SNED1: variants seen among roughly 807,000 people sequenced by gnomAD.
The protein encoded by SNED1 is sushi, nidogen and EGF-like domain-containing protein 1.
Under a neutral mutation model 166.7 loss-of-function variants are expected in SNED1, and 81 were observed. That is an observed-to-expected ratio of 0.49 (90% CI 0.41 to 0.58). The LOEUF (loss-of-function observed/expected upper bound fraction) is 0.58. Among genes scored for constraint, SNED1 ranks in the 20% least tolerant of loss-of-function variants. The probability of loss-of-function intolerance (pLI) is 0.00; values close to 1 mark genes in which losing one functional copy is unlikely to be tolerated. For synonymous variants in SNED1, 762 were observed against 822.0 expected (o/e 0.93, Z 1.25); for missense variants, 1,604 against 2,000.2 (o/e 0.80, Z 3.78).
intron 16 of SNED1, 80 bp downstream of exon 16, chr2:241,053,406 T>A (rs1212732550): frequency 7.1e-7 from 1 of 1,411,538 alleles, no homozygotes; most frequent in Non-Finnish European, 9.5e-7. Flanking sequence ...GCACAGGGGC[T>A]GCAGGCCCAA....
chr2:241,074,212 CAT>C (rs374613715), intron 27 of SNED1: 57 of 152,302 alleles, frequency 3.7e-4, no homozygotes, highest in African/African-American at 1.3e-3. Flanking sequence ...TTCTCAAGGA[CAT>C]GTGTACACAT....
At position 241,048,377 on chromosome 2, in the gene SNED1, G is replaced by C. The variant is rs781685199; in HGVS notation, c.1336G>C (p.Asp446His). ...APCHNGGTCV[D>H]ADQGYVCECP... ...TTGCCACAATGGGGGCACCTGTGTG[G>C]ATGCGGACCAGGGCTACGTGTGCGA... Residue 446 changes from aspartate to histidine, a missense_variant, in exon 9 of 32, where the codon GAT becomes CAT. By Grantham distance (81) the Asp-to-His change is moderately conservative. This residue lies in a region of SNED1 where 1,237 missense variants were observed against 1,620.8 expected (regional missense o/e 0.76). Coordinates refer to ENST00000310397, the MANE Select transcript of SNED1 (RefSeq NM_001080437.3). 2 of 1,612,092 alleles carry C rather than the reference G, an allele frequency of 1.2e-6. No individual in the cohort carries two copies. Among genetic ancestry groups the C allele is most frequent in the Non-Finnish European group, 1.7e-6 (2 of 1,179,226 alleles).
rs544250869 is a variant in SNED1, at chr2:241,057,781, C to T, written c.2257+4455C>T. ...GACCATAAAAAAATATATTCTCATA[C>T]AAACACAGCTTCAGAGGCTTAGCAA... On this transcript the variant is annotated intron_variant, in intron 16 of 31. Transcript: ENST00000310397. Among the ~76,000 whole-genome samples, 63 of 152,058 alleles carry T rather than the reference C, an allele frequency of 4.1e-4. 4 individuals carry two copies. The highest frequency in any genetic ancestry group is 1.5e-5 in the Non-Finnish European group (1 of 68,018).
intron 31 of SNED1, chr2:241,090,246 A>T: frequency 6.7e-7 from 1 of 1,498,750 alleles, no homozygotes; most frequent in Non-Finnish European, 8.9e-7. Flanking sequence ...TTAAAAACTA[A>T]GACACAAACA....
At chr2:241,017,466 G>A (rs755743685) in intron 1 of SNED1, among the ~76,000 whole-genome samples, 18 of 152,244 alleles carry the variant, frequency 1.2e-4, no homozygotes, top group Non-Finnish European at 2.6e-4. Context: ...CCCCCAAGGC[G>A]ACGGTTCATC....
At chr2:241,046,862 G>A (rs2061661220) in intron 8 of SNED1, among the ~76,000 whole-genome samples, 1 of 152,092 alleles carries the variant, frequency 6.6e-6, no homozygotes, top group Non-Finnish European at 1.5e-5. Flanking sequence ...AAACCAAAAA[G>A]TAGCTGGCGT....
chr2:241,063,923 C>T, intron 18 of SNED1, 89 bp from the exon 19 acceptor site: 9 of 1,037,088 alleles, frequency 8.7e-6, no homozygotes, highest in Non-Finnish European at 1.3e-5. Flanking sequence ...CGCCCCTAGA[C>T]TCCTCCTTTC....
chr2:241,030,476 C>T lies in SNED1; in HGVS notation c.406C>T (p.His136Tyr), dbSNP rs2061132927. The change falls in exon 2 of 32, where the codon CAC (histidine) becomes TAC (tyrosine). Residue 136 changes from histidine to tyrosine, a missense_variant. His to Tyr is a moderately conservative substitution (Grantham distance 83). Around this residue, in one of 2 missense-constraint regions of SNED1, gnomAD observed 1,237 missense variants for 1,620.8 expected, o/e 0.76. Transcript: ENST00000310397. ...GCGCCGAGCCACGGAGGACGTCAGG[C>T]ACTACTTCCCCGAGCTCCTGGACTT... Reference protein sequence around the residue: ...MLRRATEDVRHYFPELLDFNA... With the variant: ...MLRRATEDVRYYFPELLDFNA... 7.4e-6 allele frequency: 12 copies of T among 1,613,958 alleles called. No homozygotes were observed. Among genetic ancestry groups the T allele is most frequent in the Non-Finnish European group, 5.9e-6 (7 of 1,179,892 alleles).
chr2:241,028,583 A>C (rs2061058051), intron 1 of SNED1, among the ~76,000 whole-genome samples: 1 of 152,228 alleles, frequency 6.6e-6, no homozygotes, highest in African/African-American at 2.4e-5. Flanking sequence ...ACCCTTGTGA[A>C]AATCGTTTGA....
intron 1 of SNED1, among the ~76,000 whole-genome samples, chr2:241,017,047 C>T (rs2060620283): frequency 6.6e-6 from 1 of 152,016 alleles, no homozygotes; most frequent in Non-Finnish European, 1.5e-5. Context: ...GACGGGGTTT[C>T]TCCATGTTGG....
At chr2:241,046,577 A>T (rs1161236602) in intron 8 of SNED1, among the ~76,000 whole-genome samples, 1 of 152,234 alleles carries the variant, frequency 6.6e-6, no homozygotes, top group Non-Finnish European at 1.5e-5. Flanking sequence ...TGGTTCCACT[A>T]AATGGCATTC....
At chr2:241,034,493 TG>T in intron 3 of SNED1, 74 bp from the exon 4 acceptor site, 1 of 1,358,974 alleles carries the variant, frequency 7.4e-7, no homozygotes, top group Non-Finnish European at 1.0e-6. Context: ...AGGAACATGG[TG>T]GGGGCAGGGT....
rs545695053 is a variant in SNED1, at chr2:241,028,300, C to T, written c.214-1984C>T. Among the ~76,000 whole-genome samples the T allele has an allele frequency of 5.3e-5, 8 of 152,100 alleles. No homozygotes were observed. The East Asian group carries it at 5.8e-4, about 11-fold the overall frequency. ...GAAAATTTTTAATTTTCATGAAGTC[C>T]GATTTGTCTGTTTTTTCTTTTGTTG... On this transcript the variant is annotated intron_variant, in intron 1 of 31. Transcript: ENST00000310397.
intron 26 of SNED1, 40 bp downstream of exon 26, chr2:241,071,918 C>G (rs911237042): frequency 4.0e-6 from 6 of 1,481,728 alleles, no homozygotes; most frequent in African/African-American, 1.4e-5. Flanking sequence ...GGTGGCCCAC[C>G]CTCGTCCTCA....
At chr2:241,067,388 T>C (rs920215882) in intron 21 of SNED1, among the ~76,000 whole-genome samples, 3 of 152,208 alleles carry the variant, frequency 2.0e-5, no homozygotes, top group African/African-American at 7.2e-5. Flanking sequence ...ATGTGTGCTC[T>C]TAGACCAAAA....
At chr2:241,047,322 T>C (rs2061680558) in intron 8 of SNED1, among the ~76,000 whole-genome samples, 1 of 152,176 alleles carries the variant, frequency 6.6e-6, no homozygotes, top group South Asian at 2.1e-4. Flanking sequence ...ACTCTAGATA[T>C]ACTTGTACCT....
Position 241,067,761 on chromosome 2 carries a change from T to A in SNED1, c.3011-3T>A. On this transcript the variant is annotated splice_polypyrimidine_tract_variant and splice_region_variant and intron_variant, in intron 21 of 31. Coordinates refer to ENST00000310397, the MANE Select transcript of SNED1 (RefSeq NM_001080437.3). ...CACCTGCTGAACAGTCCATTCCCCC[T>A]AGGACCCCGCCCTGTGGAAGGCTTC... is the stretch of plus-strand genomic sequence containing the variant. 6.2e-7 allele frequency: 1 copy of A among 1,602,328 alleles called. No individual in the cohort carries two copies. Among genetic ancestry groups the A allele is most frequent in the Non-Finnish European group, 8.5e-7 (1 of 1,171,054 alleles).
chr2:241,077,324 A>G (rs2063074670), intron 27 of SNED1, among the ~76,000 whole-genome samples: 1 of 152,228 alleles, frequency 6.6e-6, no homozygotes, highest in Admixed American at 6.5e-5. Flanking sequence ...AACTCTTAGA[A>G]GAAAACATAG....
At chr2:241,088,939 C>T (rs2063731823) in intron 31 of SNED1, 1 of 216,054 alleles carries the variant, frequency 4.6e-6, no homozygotes. Context: ...TGAAGACCGC[C>T]GCTAGAAAGT....
Sources: allele counts gnomAD v4.1 joint callset (sites outside exome capture counted in the v4.1 genomes callset), GRCh38; gene constraint gnomAD v4.1.1; regional missense constraint gnomAD v4.1.1; transcripts MANE v1.5; gene names NCBI Gene and HGNC (gene_info 2026-07-23, HGNC 2026-07-21).